The following LAMC1 variants were observed in gnomAD, a reference collection of about 807,000 sequenced individuals.
LAMC1 encodes the protein laminin subunit gamma 1.
A neutral mutation model predicts 173.6 loss-of-function variants in LAMC1; 38 were observed. The ratio of observed to expected loss-of-function variants is 0.22; its 90% confidence interval spans 0.17 to 0.29. The LOEUF (loss-of-function observed/expected upper bound fraction) is 0.29. Ranked by LOEUF, LAMC1 falls within the 10% of genes least tolerant of loss-of-function variation. LAMC1 has a pLI of 1.00. For synonymous variants in LAMC1, 746 were observed against 749.1 expected (o/e 1.00, Z 0.07); for missense variants, 1,824 against 2,051.8 (o/e 0.89, Z 2.14).
intron 1 of LAMC1, among the ~76,000 whole-genome samples, chr1:183,052,486 A>G (rs2102024401): frequency 6.6e-6 from 1 of 152,188 alleles, no homozygotes; most frequent in South Asian, 2.1e-4. Context: ...GGCATGCGCC[A>G]CCACGCCCAG....
intron 1 of LAMC1, among the ~76,000 whole-genome samples, chr1:183,084,983 C>T (rs973551352): frequency 6.6e-6 from 1 of 152,084 alleles, no homozygotes; most frequent in African/African-American, 2.4e-5. Flanking sequence ...GCCTGTAATC[C>T]CAGCATTTTG....
At chr1:183,135,632 C>T in intron 24 of LAMC1, among the ~76,000 whole-genome samples, 1 of 152,002 alleles carries the variant, frequency 6.6e-6, no homozygotes, top group East Asian at 1.9e-4. Context: ...GGCCTGTAAT[C>T]CCAACACTTC....
intron 1 of LAMC1, among the ~76,000 whole-genome samples, chr1:183,100,342 T>C (rs1450535575): frequency 6.6e-6 from 1 of 152,232 alleles, no homozygotes; most frequent in Admixed American, 6.5e-5. Flanking sequence ...TTTTCTGGTT[T>C]AATGCCTTCA....
intron 1 of LAMC1, among the ~76,000 whole-genome samples, chr1:183,066,891 A>G (rs1000650196): frequency 7.9e-5 from 12 of 152,122 alleles, no homozygotes; most frequent in African/African-American, 2.9e-4. Flanking sequence ...GCAGCAAACC[A>G]CCATGCACAT....
intron 1 of LAMC1, among the ~76,000 whole-genome samples, chr1:183,048,542 C>G (rs1286803274): frequency 6.6e-6 from 1 of 152,160 alleles, no homozygotes; most frequent in African/African-American, 2.4e-5. Context: ...CTTTGTTATA[C>G]ATTCTAGTAT....
intron 1 of LAMC1, among the ~76,000 whole-genome samples, chr1:183,070,300 T>C (rs1654979263): frequency 6.6e-6 from 1 of 152,186 alleles, no homozygotes; most frequent in Admixed American, 6.5e-5. Context: ...ATCTTTAGAA[T>C]AGCTATGATT....
chr1:183,128,833 T>C (rs1427134722), intron 18 of LAMC1, 83 bp downstream of exon 18: 2 of 1,074,442 alleles, frequency 1.9e-6, no homozygotes, highest in East Asian at 2.6e-5. Flanking sequence ...TAGTATAGTT[T>C]TATAAAATTC....
chr1:183,027,894 GGTATTT>G (rs1653731998), intron 1 of LAMC1, among the ~76,000 whole-genome samples: 1 of 152,146 alleles, frequency 6.6e-6, no homozygotes, highest in Non-Finnish European at 1.5e-5. Flanking sequence ...ACTTCACTGT[GGTATTT>G]GTGCACCCTG....
At chr1:183,130,757 G>A (rs560681743) in intron 19 of LAMC1, among the ~76,000 whole-genome samples, 2 of 152,288 alleles carry the variant, frequency 1.3e-5, no homozygotes, top group African/African-American at 4.8e-5. Flanking sequence ...GGACATCTGG[G>A]TTATTTCTCT....
At chr1:183,048,922 A>C (rs1654338345) in intron 1 of LAMC1, among the ~76,000 whole-genome samples, 1 of 152,192 alleles carries the variant, frequency 6.6e-6, no homozygotes, top group African/African-American at 2.4e-5. Context: ...TCAGATTCTT[A>C]GCCAAGTTGT....
intron 2 of LAMC1, among the ~76,000 whole-genome samples, chr1:183,104,626 ATCT>A (rs1655922701): frequency 6.6e-6 from 1 of 152,158 alleles, no homozygotes; most frequent in Admixed American, 6.5e-5. Context: ...TCTAATTTGG[ATCT>A]TCTTATTCTT....
intron 24 of LAMC1, 81 bp from the exon 25 acceptor site, chr1:183,136,305 A>G: frequency 8.0e-7 from 1 of 1,255,530 alleles, no homozygotes; most frequent in Non-Finnish European, 1.1e-6. Flanking sequence ...TCATAAAACA[A>G]AATCCAGTTG....
At chr1:183,116,284 C>T (rs1656319605) in intron 6 of LAMC1, among the ~76,000 whole-genome samples, 1 of 151,972 alleles carries the variant, frequency 6.6e-6, no homozygotes, top group Non-Finnish European at 1.5e-5. Context: ...CAAGACCATC[C>T]TGGCCAACAT....
intron 1 of LAMC1, among the ~76,000 whole-genome samples, chr1:183,036,287 A>AT (rs1204154197): frequency 6.8e-6 from 1 of 147,538 alleles, no homozygotes; most frequent in Non-Finnish European, 1.5e-5. Context: ...TTTAGTAGAG[A>AT]TGGGGTTTCG....
At chr1:183,029,779 G>A (rs935310537) in intron 1 of LAMC1, among the ~76,000 whole-genome samples, 1 of 152,170 alleles carries the variant, frequency 6.6e-6, no homozygotes, top group Non-Finnish European at 1.5e-5. Context: ...GTTTTTGAAG[G>A]ACGAGTCAGG....
chr1:183,086,694 A>G (rs980930745), intron 1 of LAMC1, among the ~76,000 whole-genome samples: 2 of 152,204 alleles, frequency 1.3e-5, no homozygotes, highest in Non-Finnish European at 2.9e-5. Flanking sequence ...TTTTAACACA[A>G]ACTTACCTGC....
chr1:183,108,843 G>A (rs1481362978), intron 3 of LAMC1, among the ~76,000 whole-genome samples: 2 of 152,156 alleles, frequency 1.3e-5, no homozygotes, highest in Non-Finnish European at 2.9e-5. Flanking sequence ...TTAAAAAATA[G>A]ATAAAGCAGC....
At chr1:183,141,635 T>TTGG (rs1202060017) in intron 27 of LAMC1, among the ~76,000 whole-genome samples, 2 of 152,190 alleles carry the variant, frequency 1.3e-5, no homozygotes, top group African/African-American at 4.8e-5. Context: ...GCATTTTGTT[T>TTGG]TGGTGGGGGG....
intron 3 of LAMC1, among the ~76,000 whole-genome samples, chr1:183,109,077 G>T (rs1656069209): frequency 6.6e-6 from 1 of 152,190 alleles, no homozygotes; most frequent in Non-Finnish European, 1.5e-5. Context: ...AAACCAGAAA[G>T]ATAGTTTCGT....
Sources: allele counts gnomAD v4.1 joint callset (sites outside exome capture counted in the v4.1 genomes callset), GRCh38; gene constraint gnomAD v4.1.1; transcripts MANE v1.5; gene names NCBI Gene and HGNC (gene_info 2026-07-23, HGNC 2026-07-21).